The following NETO1 variants were observed in gnomAD, a reference collection of about 807,000 sequenced individuals.
The protein encoded by NETO1 is neuropilin and tolloid-like protein 1.
In NETO1, 26 loss-of-function variants were observed where a neutral mutation model predicts 61.3. That is an observed-to-expected ratio of 0.42 (90% CI 0.31 to 0.59). NETO1 has a LOEUF of 0.59. Among genes scored for constraint, NETO1 ranks in the 20% least tolerant of loss-of-function variants. The probability of loss-of-function intolerance (pLI) is 0.12; values close to 1 mark genes in which losing one functional copy is unlikely to be tolerated. For missense variants in NETO1, 531 were observed against 662.8 expected (o/e 0.80, Z 2.18); for synonymous variants, 225 against 225.8 (o/e 1.00, Z 0.03).
At chr18:72,839,654 C>A (rs1568246595) in intron 4 of NETO1, among the ~76,000 whole-genome samples, 2 of 152,164 alleles carry the variant, frequency 1.3e-5, no homozygotes, top group East Asian at 3.9e-4. Flanking sequence ...TTTCTTTTAA[C>A]TGTTGTCACA....
chr18:72,835,392 A>T, intron 4 of NETO1: 1 of 1,299,708 alleles, frequency 7.7e-7, no homozygotes. Flanking sequence ...TAGGAAGTCC[A>T]CTTTAACAGC....
Position 72,867,378 on chromosome 18 carries a change from G to A in NETO1, c.-87C>T, listed in dbSNP as rs969920089. ...CCAGTGGCGGGGGGAGGACAGGGTC[G>A]AGAGGTGTTAAAGACGCAAAGCAAG... On this transcript the variant is annotated 5_prime_UTR_variant, in exon 1 of 11. Transcript: ENST00000327305. 3 of 1,117,914 alleles carry A rather than the reference G, an allele frequency of 2.7e-6. No homozygotes were observed. The highest frequency in any genetic ancestry group is 5.3e-5 in the Admixed American group (2 of 37,678). 69.2% of individuals were successfully genotyped at this position (1,117,914 alleles called of 1,614,324 possible).
At position 72,814,956 on chromosome 18, in the gene NETO1, A is replaced by G. The variant is rs149805190; in HGVS notation, c.470-20552T>C. On this transcript the variant is annotated intron_variant, in intron 4 of 10. Coordinates refer to ENST00000327305, the MANE Select transcript of NETO1 (RefSeq NM_138966.5). ...GAAAAAAAAATTTAAAATTATTATTATTTAGTAAAACAATTATTATAAAAA... is the reference window on the plus strand; with the variant it reads ...GAAAAAAAAATTTAAAATTATTATTGTTTAGTAAAACAATTATTATAAAAA... Among the ~76,000 whole-genome samples the G allele has an allele frequency of 8.8e-3, 1,336 of 152,160 alleles. 10 individuals carry two copies. Among genetic ancestry groups the G allele is most frequent in the Middle Eastern group, 0.044 (13 of 294 alleles).
rs10672110 is a variant in NETO1, at chr18:72,821,234, T to TAAAAAAAAAAAAAAAAAAA, written c.470-26849_470-26831dup. Among the ~76,000 whole-genome samples, 30 of 80,210 alleles carry TAAAAAAAAAAAAAAAAAAA rather than the reference T, an allele frequency of 3.7e-4. 1 individual carries two copies. Among genetic ancestry groups the TAAAAAAAAAAAAAAAAAAA allele is most frequent in the Non-Finnish European group, 6.8e-4 (29 of 42,650 alleles). The allele number at this position is 80,210 out of a possible 152,430, so 52.6% of individuals were successfully genotyped here. A position where few individuals can be genotyped will look rare whatever the true frequency, so the allele number is the denominator to read the frequency against. ...TAAGCATTCTCTTCTTCATATTAAC[T>TAAAAAAAAAAAAAAAAAAA]AAAAAAAAAAAAAAAAAAAAAAATG... is the stretch of plus-strand genomic sequence containing the variant. On this transcript the variant is annotated intron_variant, in intron 4 of 10. Coordinates refer to ENST00000327305, the MANE Select transcript of NETO1 (RefSeq NM_138966.5).
intron 7 of NETO1, among the ~76,000 whole-genome samples, chr18:72,772,688 T>A (rs2071389045): frequency 6.7e-6 from 1 of 150,272 alleles, no homozygotes; most frequent in African/African-American, 2.4e-5. Context: ...TTCTTTCTCA[T>A]GGAAGGTGGC....
rs1454862683 is a variant in NETO1, at chr18:72,747,707, T to C, written c.*472A>G. 3.3e-5 allele frequency: 5 copies of C among 152,118 alleles called. No individual in the cohort carries two copies. The highest frequency in any genetic ancestry group is 4.4e-5 in the Non-Finnish European group (3 of 67,978). The allele number at this position is 152,118 out of a possible 1,614,324, so 9.4% of individuals were successfully genotyped here. A position where few individuals can be genotyped will look rare whatever the true frequency, so the allele number is the denominator to read the frequency against. On this transcript the variant is annotated 3_prime_UTR_variant, in exon 11 of 11. Transcript: ENST00000327305. Reference sequence around the variant, plus strand: ...CACACTGTCACTTTTCACTGTAGCATGTTCAAAATCATTCAGGAACGCACT... The same window carrying C: ...CACACTGTCACTTTTCACTGTAGCACGTTCAAAATCATTCAGGAACGCACT...
At chr18:72,819,521 T>C (rs1015364964) in intron 4 of NETO1, among the ~76,000 whole-genome samples, 1 of 152,208 alleles carries the variant, frequency 6.6e-6, no homozygotes, top group South Asian at 2.1e-4. Flanking sequence ...AGCTTTGCCC[T>C]AGTCATCAAG....
At chr18:72,748,693 C>T (rs571054060) in intron 10 of NETO1, among the ~76,000 whole-genome samples, 23 of 151,972 alleles carry the variant, frequency 1.5e-4, no homozygotes, top group African/African-American at 5.3e-4. Context: ...TGGTTTTTTT[C>T]GAGTATTTCT....
intron 4 of NETO1, among the ~76,000 whole-genome samples, chr18:72,844,390 C>T (rs939319694): frequency 9.2e-5 from 14 of 152,198 alleles, no homozygotes; most frequent in African/African-American, 3.1e-4. Context: ...ATACATCGCA[C>T]TCTTCCAATG....
chr18:72,783,858 T>C lies in NETO1; in HGVS notation c.688A>G (p.Lys230Glu). The C allele has an allele frequency of 1.9e-6, 3 of 1,614,142 alleles. No homozygotes were observed. The highest frequency in any genetic ancestry group is 2.5e-6 in the Non-Finnish European group (3 of 1,179,996). ...DYEMQNSNEC[K>E]RNFVAVYDGS... ...TCATACACAGCCACAAAATTCCTCT[T>C]GCACTCATTTGAATTCTGCATCTCA... The change falls in exon 7 of 11, where the codon AAG becomes GAG. Residue 230 changes from lysine (K) to glutamate (E), a missense_variant. Coordinates refer to ENST00000327305, the MANE Select transcript of NETO1 (RefSeq NM_138966.5).
At chr18:72,818,267 A>C (rs746361680) in intron 4 of NETO1, among the ~76,000 whole-genome samples, 1 of 152,232 alleles carries the variant, frequency 6.6e-6, no homozygotes, top group African/African-American at 2.4e-5. Flanking sequence ...CTAAAGTAAT[A>C]ACATTTGCAA....
intron 6 of NETO1, among the ~76,000 whole-genome samples, chr18:72,787,221 T>A (rs2071951106): frequency 6.6e-6 from 1 of 151,318 alleles, no homozygotes; most frequent in Non-Finnish European, 1.5e-5. Flanking sequence ...TGCAATAAAT[T>A]CAACAAGTTA....
At chr18:72,767,076 T>A (rs2071191198) in intron 7 of NETO1, among the ~76,000 whole-genome samples, 1 of 152,194 alleles carries the variant, frequency 6.6e-6, no homozygotes, top group South Asian at 2.1e-4. Context: ...TTAGACACAT[T>A]ATTCTTTTAT....
intron 4 of NETO1, among the ~76,000 whole-genome samples, chr18:72,819,587 A>T (rs1460389532): frequency 2.0e-5 from 3 of 152,192 alleles, no homozygotes; most frequent in Non-Finnish European, 4.4e-5. Flanking sequence ...ATCTGGATTT[A>T]AAAAACTTTG....
intron 4 of NETO1, among the ~76,000 whole-genome samples, chr18:72,816,263 T>TA (rs1434396810): frequency 2.0e-5 from 3 of 152,146 alleles, no homozygotes; most frequent in Non-Finnish European, 2.9e-5. Context: ...CACAAAGGTG[T>TA]AAAAAAGAAG....
chr18:72,796,625 C>T (rs956234304), intron 4 of NETO1, among the ~76,000 whole-genome samples: 7 of 151,946 alleles, frequency 4.6e-5, no homozygotes, highest in Non-Finnish European at 7.4e-5. Context: ...TACAGGCGCC[C>T]GCCACTGTGC....
At chr18:72,865,068 C>A in intron 2 of NETO1, 120 bp downstream of exon 2, 3 of 1,394,258 alleles carry the variant, frequency 2.2e-6, no homozygotes, top group Non-Finnish European at 2.9e-6. Flanking sequence ...CTTAGCCAAA[C>A]CAATCAATTA....
chr18:72,790,054 C>A (rs769155370), intron 6 of NETO1, among the ~76,000 whole-genome samples: 3 of 152,090 alleles, frequency 2.0e-5, no homozygotes, highest in Non-Finnish European at 4.4e-5. Context: ...TTTAATTTGA[C>A]TGAAAGTATT....
chr18:72,825,632 C>G (rs1369920293), intron 4 of NETO1, among the ~76,000 whole-genome samples: 8 of 152,194 alleles, frequency 5.3e-5, no homozygotes, highest in Non-Finnish European at 1.2e-4. Context: ...ATGCCTAAAT[C>G]TTCAATACTT....
Sources: allele counts gnomAD v4.1 joint callset (sites outside exome capture counted in the v4.1 genomes callset), GRCh38; gene constraint gnomAD v4.1.1; transcripts MANE v1.5; gene names NCBI Gene and HGNC (gene_info 2026-07-23, HGNC 2026-07-21).